Variants in SCN11A observed in about 807,000 individuals in gnomAD.
The protein encoded by SCN11A is sodium voltage-gated channel alpha subunit 11.
A neutral mutation model predicts 162.2 loss-of-function variants in SCN11A; 122 were observed. The ratio of observed to expected loss-of-function variants is 0.75; its 90% CI spans 0.65 to 0.87. The LOEUF (loss-of-function observed/expected upper bound fraction) is 0.87, where lower values mean the gene tolerates loss of function less well. Among genes scored for constraint, SCN11A ranks in the 40% least tolerant of loss-of-function variants. The pLI, the probability that SCN11A is intolerant of heterozygous loss-of-function variation, is 0.00. For synonymous variants in SCN11A, 758 were observed against 751.5 expected (o/e 1.01, Z -0.14); for missense variants, 2,015 against 2,181.6 (o/e 0.92, Z 1.52).
At chr3:38,864,638 A>G (rs1394388313) in intron 27 of SCN11A, among the ~76,000 whole-genome samples, 2 of 152,182 alleles carry the variant, frequency 1.3e-5, no homozygotes, top group Non-Finnish European at 2.9e-5. Flanking sequence ...TCTGTCCACT[A>G]GAAAGGCTTA....
At chr3:38,934,143 G>A (rs996201517) in intron 7 of SCN11A, among the ~76,000 whole-genome samples, 1 of 152,184 alleles carries the variant, frequency 6.6e-6, no homozygotes, top group Non-Finnish European at 1.5e-5. Context: ...AAGTGAAGGA[G>A]AAATAAAATC....
At chr3:38,851,948 C>T (rs1011876926) in intron 28 of SCN11A, among the ~76,000 whole-genome samples, 7 of 152,062 alleles carry the variant, frequency 4.6e-5, no homozygotes, top group Non-Finnish European at 8.8e-5. Context: ...GTTGATAAAA[C>T]CATCTAACCA....
chr3:38,986,800 C>A (rs147047457), intron 2 of SCN11A, among the ~76,000 whole-genome samples: 2 of 152,098 alleles, frequency 1.3e-5, no homozygotes, highest in Non-Finnish European at 2.9e-5. Flanking sequence ...ATTAACCCTG[C>A]GATTTTTGCA....
chr3:38,927,201 C>A (rs2066156891), intron 7 of SCN11A, among the ~76,000 whole-genome samples: 1 of 152,142 alleles, frequency 6.6e-6, no homozygotes, highest in African/African-American at 2.4e-5. Flanking sequence ...TTTCAGGTAA[C>A]ATGAGACCCA....
chr3:38,951,449 C>T (rs1316543391), intron 4 of SCN11A, among the ~76,000 whole-genome samples: 1 of 152,256 alleles, frequency 6.6e-6, no homozygotes, highest in Non-Finnish European at 1.5e-5. Flanking sequence ...TCCATGGGCT[C>T]CTGTGCGGCC....
chr3:38,908,248 C>A, intron 13 of SCN11A, 126 bp from the exon 14 acceptor site: 3 of 794,280 alleles, frequency 3.8e-6, no homozygotes, highest in South Asian at 3.2e-5. Context: ...AATTGCTCAT[C>A]ATCTACCTGG....
At chr3:38,854,494 C>T (rs774248081) in intron 28 of SCN11A, among the ~76,000 whole-genome samples, 28 of 152,174 alleles carry the variant, frequency 1.8e-4, no homozygotes, top group Non-Finnish European at 3.5e-4. Context: ...GCAGGGCTAA[C>T]GTGCATCTCG....
chr3:38,957,550 T>G (rs1231117591), intron 3 of SCN11A, among the ~76,000 whole-genome samples: 27 of 152,162 alleles, frequency 1.8e-4, no homozygotes, highest in Admixed American at 1.8e-3. Flanking sequence ...ACGTGGGGAA[T>G]GACAGAGCCT....
chr3:38,979,648 T>A (rs553945928), intron 2 of SCN11A, among the ~76,000 whole-genome samples: 1 of 152,226 alleles, frequency 6.6e-6, no homozygotes, highest in African/African-American at 2.4e-5. Flanking sequence ...AAAAATTTGA[T>A]CATTTCTCTG....
Position 38,847,742 on chromosome 3 carries a change from C to T in SCN11A, c.4328G>A (p.Ser1443Asn). The T allele has an allele frequency of 1.3e-6, 2 of 1,569,186 alleles. No homozygotes were observed. The highest frequency in any genetic ancestry group is 1.7e-6 in the Non-Finnish European group (2 of 1,149,342). ...ATTTTCCAAGGTAGAAATCATTGTA[C>T]CTCAGGAGAAGGAGAAAAGTAAATA... ...DCVVVLLSIV[S>N]TMISTLENQE... Residue 1443 changes from serine to asparagine, a missense_variant and splice_region_variant, in exon 30 of 30, where the codon AGT (serine) becomes AAT (asparagine). Transcript: ENST00000302328.
At chr3:38,917,322 C>G (rs112008886) in intron 11 of SCN11A, among the ~76,000 whole-genome samples, 20,887 of 152,126 alleles carry the variant, frequency 0.14, 1,666 homozygotes, top group East Asian at 0.24. Context: ...GGGTATATAC[C>G]CAAAGGAATA....
chr3:39,004,544 T>C (rs1348530159), intron 2 of SCN11A, among the ~76,000 whole-genome samples: 5 of 152,208 alleles, frequency 3.3e-5, no homozygotes, highest in Admixed American at 1.3e-4. Flanking sequence ...ATAGTTTTTT[T>C]CTAGTTCTGT....
At position 38,897,214 on chromosome 3, in the gene SCN11A, G is replaced by T; in HGVS notation, c.2034C>A (p.Phe678Leu). 1 of 1,609,168 alleles carries T rather than the reference G, an allele frequency of 6.2e-7. No individual in the cohort carries two copies. Among genetic ancestry groups the T allele is most frequent in the Non-Finnish European group, 8.5e-7 (1 of 1,177,576 alleles). The part of the protein sequence containing the change: ...FLRSFRVLRV[F>L]KLAKSWPTLN... ...AAGTTGGCCAGGATTTGGCTAACTT[G>T]AAGACCCTGAGCTGTAGAAAAAGAC... The change falls in exon 18 of 30, where the codon TTC (phenylalanine) becomes TTA (leucine). Residue 678 changes from phenylalanine (F) to leucine (L), a missense_variant. Coordinates refer to ENST00000302328, the MANE Select transcript of SCN11A (RefSeq NM_001349253.2).
intron 2 of SCN11A, among the ~76,000 whole-genome samples, chr3:39,002,728 C>T (rs1178672317): frequency 6.6e-6 from 1 of 152,214 alleles, no homozygotes; most frequent in Non-Finnish European, 1.5e-5. Flanking sequence ...AAGTAGAAGT[C>T]ATAGTATGTT....
At chr3:38,879,830 A>G in intron 23 of SCN11A, 120 bp downstream of exon 23, 1 of 745,558 alleles carries the variant, frequency 1.3e-6, no homozygotes, top group South Asian at 1.8e-5. Context: ...AGGCAATGAT[A>G]ACAAGAAAAA....
In SCN11A at chr3:38,858,500, G is replaced by A. The variant is rs571488737; in HGVS notation, c.4056+4695C>T. Among the ~76,000 whole-genome samples, 3 of 152,170 alleles carry A rather than the reference G, an allele frequency of 2.0e-5. No homozygotes were observed. In the Middle Eastern group the frequency reaches 0.01, roughly 518 times the overall value. On this transcript the variant is annotated intron_variant, in intron 28 of 29. Transcript: ENST00000302328. ...CTAAATATATGTGTACCTAACACTG[G>A]AGCTCCCAAATTCATAAAACAATCA...
At chr3:38,955,882 ACAT>A (rs2066674377) in intron 3 of SCN11A, among the ~76,000 whole-genome samples, 1 of 152,240 alleles carries the variant, frequency 6.6e-6, no homozygotes, top group African/African-American at 2.4e-5. Flanking sequence ...GGTCAACCAC[ACAT>A]CAATAGGCTT....
At chr3:38,896,121 A>G (rs1388612203) in intron 18 of SCN11A, among the ~76,000 whole-genome samples, 1 of 152,196 alleles carries the variant, frequency 6.6e-6, no homozygotes, top group Non-Finnish European at 1.5e-5. Context: ...CAGGCCAATT[A>G]TGACATGAAT....
chr3:39,041,335 T>C (rs1338671095), intron 1 of SCN11A, among the ~76,000 whole-genome samples: 1 of 152,166 alleles, frequency 6.6e-6, no homozygotes, highest in African/African-American at 2.4e-5. Context: ...CATATGGACA[T>C]TGACATCCAG....
Sources: allele counts gnomAD v4.1 joint callset (sites outside exome capture counted in the v4.1 genomes callset), GRCh38; gene constraint gnomAD v4.1.1; transcripts MANE v1.5; gene names NCBI Gene and HGNC (gene_info 2026-07-23, HGNC 2026-07-21).